Variants in TADA2A observed in about 807,000 individuals in gnomAD.
TADA2A encodes the protein transcriptional adaptor 2A.
In TADA2A, 38 loss-of-function variants were observed where a neutral mutation model predicts 67.4. The observed-to-expected ratio is 0.56, with a 90% CI of 0.44 to 0.74. TADA2A has a LOEUF of 0.74. Among genes scored for constraint, TADA2A ranks in the 30% least tolerant of loss-of-function variants. The probability of loss-of-function intolerance (pLI) is 0.00; values close to 1 mark genes in which losing one functional copy is unlikely to be tolerated. For missense variants in TADA2A, 454 were observed against 547.0 expected (o/e 0.83, Z 1.70); for synonymous variants, 192 against 181.6 (o/e 1.06, Z -0.46).
intron 2 of TADA2A, 60 bp from the exon 3 acceptor site, chr17:37,423,449 T>G (rs1175043157): frequency 2.3e-6 from 3 of 1,318,052 alleles, no homozygotes; most frequent in Non-Finnish European, 3.2e-6. Flanking sequence ...TTTCACCTTT[T>G]TGCACTTAAG....
intron 4 of TADA2A, among the ~76,000 whole-genome samples, chr17:37,432,955 T>C (rs2052615564): frequency 7.4e-6 from 1 of 135,562 alleles, no homozygotes; most frequent in African/African-American, 2.6e-5. Context: ...TTTTTTTTAC[T>C]TTTTGCAGTT....
At chr17:37,461,048 C>A (rs1171597733) in intron 9 of TADA2A, among the ~76,000 whole-genome samples, 4 of 152,084 alleles carry the variant, frequency 2.6e-5, no homozygotes, top group Admixed American at 6.6e-5. Context: ...CAGTCCTCAA[C>A]CTTTTTGGCA....
At chr17:37,451,994 A>G (rs1175003164) in intron 8 of TADA2A, among the ~76,000 whole-genome samples, 3 of 152,124 alleles carry the variant, frequency 2.0e-5, no homozygotes, top group East Asian at 3.9e-4. Context: ...AAAATAAAAA[A>G]TAAATCACAA....
chr17:37,443,243 A>G (rs1032460793), intron 7 of TADA2A, among the ~76,000 whole-genome samples: 9 of 151,198 alleles, frequency 6.0e-5, no homozygotes, highest in African/African-American at 1.5e-4. Context: ...TGAAATTCCT[A>G]TAGTCTGGTT....
intron 4 of TADA2A, among the ~76,000 whole-genome samples, chr17:37,432,823 A>G (rs1376420537): frequency 6.6e-6 from 1 of 150,996 alleles, no homozygotes; most frequent in African/African-American, 2.4e-5. Flanking sequence ...TCGACAATAT[A>G]TGAGAGTTCT....
intron 5 of TADA2A, among the ~76,000 whole-genome samples, chr17:37,439,148 G>C (rs560535800): frequency 1.3e-5 from 2 of 152,090 alleles, no homozygotes; most frequent in South Asian, 4.2e-4. Flanking sequence ...TATCACCCAG[G>C]CTGAAATGCA....
At chr17:37,422,479 C>CTGATGATGATGATGATGATGA (rs1355232116) in intron 2 of TADA2A, among the ~76,000 whole-genome samples, 116 of 76,764 alleles carry the variant, frequency 1.5e-3, no homozygotes, top group Admixed American at 1.9e-3. Flanking sequence ...CCATGCCCAG[C>CTGATGATGATGATGATGATGA]TGATTATTAT....
In TADA2A at chr17:37,477,018, G is replaced by C. The variant is rs759239528; in HGVS notation, c.*36G>C. The C allele has an allele frequency of 7.0e-6, 11 of 1,575,504 alleles. No homozygotes were observed. Among genetic ancestry groups the C allele is most frequent in the African/African-American group, 2.7e-5 (2 of 73,818 alleles). ...GCTTGGGATCAGAAGTCAGAAGTTT[G>C]GAATGTGGTGGGTCAAAGGACAATA... On this transcript the variant is annotated 3_prime_UTR_variant, in exon 16 of 16. Coordinates refer to ENST00000615182, the MANE Select transcript of TADA2A (RefSeq NM_001166105.3).
At position 37,477,136 on chromosome 17, in the gene TADA2A, T is replaced by C. The variant is rs973560319; in HGVS notation, c.*154T>C. 4.1e-6 allele frequency: 3 copies of C among 736,214 alleles called. No homozygotes were observed. The African/African-American group carries it at 5.3e-5, about 13-fold the overall frequency. 45.6% of individuals were successfully genotyped at this position (736,214 alleles called of 1,614,324 possible). ...GGAAACCTTAAGTTGTATTGTCTAC[T>C]TTCTTCTCCATCCTGCTTTAAAACA... On this transcript the variant is annotated 3_prime_UTR_variant, in exon 16 of 16. Coordinates refer to ENST00000615182, the MANE Select transcript of TADA2A (RefSeq NM_001166105.3).
chr17:37,475,322 G>T (rs1438405905), intron 15 of TADA2A, among the ~76,000 whole-genome samples: 1 of 151,370 alleles, frequency 6.6e-6, no homozygotes, highest in Non-Finnish European at 1.5e-5. Context: ...GACTATAGGC[G>T]CTTGCCACCA....
intron 15 of TADA2A, 109 bp downstream of exon 15, chr17:37,474,738 C>A: frequency 8.7e-7 from 1 of 1,150,970 alleles, no homozygotes; most frequent in Non-Finnish European, 1.2e-6. Flanking sequence ...ATTCATCTAA[C>A]ATATATGCAC....
chr17:37,433,671 G>C (rs908948914), intron 4 of TADA2A, among the ~76,000 whole-genome samples: 5 of 151,508 alleles, frequency 3.3e-5, no homozygotes, highest in African/African-American at 1.2e-4. Context: ...GAGAAAAAAG[G>C]GCTGAGCTCG....
At chr17:37,459,541 C>T (rs952969298) in intron 9 of TADA2A, among the ~76,000 whole-genome samples, 2 of 151,480 alleles carry the variant, frequency 1.3e-5, no homozygotes, top group Admixed American at 6.6e-5. Flanking sequence ...CCTCTGCCTC[C>T]CAAAGTGCTG....
chr17:37,475,820 A>C (rs1282672028), intron 15 of TADA2A, among the ~76,000 whole-genome samples: 1 of 152,204 alleles, frequency 6.6e-6, no homozygotes, highest in African/African-American at 2.4e-5. Context: ...ACATGTCTTC[A>C]TATTGATTTT....
intron 5 of TADA2A, 53 bp from the exon 6 acceptor site, chr17:37,440,452 G>T: frequency 6.3e-7 from 1 of 1,588,942 alleles, no homozygotes; most frequent in Admixed American, 1.7e-5. Flanking sequence ...GATGCTTTTA[G>T]TATTATGTGT....
At chr17:37,455,175 T>C (rs746838800) in intron 8 of TADA2A, among the ~76,000 whole-genome samples, 8 of 152,174 alleles carry the variant, frequency 5.3e-5, no homozygotes, top group Non-Finnish European at 2.9e-5. Context: ...AATCATTCAA[T>C]CTCAAGGTGC....
intron 10 of TADA2A, among the ~76,000 whole-genome samples, chr17:37,462,354 C>T (rs529530633): frequency 1.3e-5 from 2 of 152,168 alleles, no homozygotes; most frequent in Admixed American, 6.5e-5. Flanking sequence ...TGGGGCCAGG[C>T]GCGGTGGCTC....
In TADA2A at chr17:37,411,275, A is replaced by C. The variant is rs974508729; in HGVS notation, c.-91A>C. 4.0e-6 allele frequency: 5 copies of C among 1,250,940 alleles called. No homozygotes were observed. In the African/African-American group the frequency reaches 6.0e-5, roughly 15 times the overall value. The allele number at this position is 1,250,940 out of a possible 1,614,324, so 77.5% of individuals were successfully genotyped here. On this transcript the variant is annotated 5_prime_UTR_variant, in exon 2 of 16. Coordinates refer to ENST00000615182, the MANE Select transcript of TADA2A (RefSeq NM_001166105.3). ...CACTTTTGTTTGTTCCTAGGGAGTC[A>C]TCAAGCTTTGGTGTATGTGTTGGCC...
At chr17:37,444,913 G>A (rs948297195) in intron 8 of TADA2A, 145 bp downstream of exon 8, 3 of 748,714 alleles carry the variant, frequency 4.0e-6, no homozygotes. Flanking sequence ...TGAACTTACT[G>A]TGTTGTTGGA....
Sources: gnomAD v4.1 joint callset for allele counts (sites outside exome capture counted in the v4.1 genomes callset) on GRCh38, gnomAD v4.1.1 for gene constraint, MANE v1.5 for transcripts, NCBI Gene and HGNC (gene_info 2026-07-23, HGNC 2026-07-21) for gene names.